The following CD177 variants were observed in gnomAD, a reference collection of about 807,000 sequenced individuals.
The protein encoded by CD177 is CD177 molecule, also known as CD177 antigen.
CD177 carries 41 observed loss-of-function variants against 38.1 expected under a neutral mutation model. The ratio of observed to expected loss-of-function variants is 1.07; its 90% confidence interval spans 0.84 to 1.39. The LOEUF (loss-of-function observed/expected upper bound fraction) is 1.39, where lower values mean the gene tolerates loss of function less well. Among genes scored for constraint, CD177 ranks in the 40% most tolerant of loss-of-function variants. The pLI is 0.00. For synonymous variants in CD177, 236 were observed against 216.7 expected, an observed-to-expected ratio of 1.09 and a Z score of -0.78; for missense variants, 619 against 523.8, an observed-to-expected ratio of 1.18 and a Z score of -1.77.
In CD177 at chr19:43,354,438, G is replaced by C. The variant is rs768232120; in HGVS notation, c.379+46G>C. The C allele has an allele frequency of 2.5e-6, 4 of 1,597,272 alleles. No homozygotes were observed. In the Admixed American group the frequency reaches 5.0e-5, roughly 20 times the overall value. On this transcript the variant is annotated intron_variant, in intron 3 of 8. Coordinates refer to ENST00000618265, the MANE Select transcript of CD177 (RefSeq NM_020406.4). ...AGGAGAGGGAGGGGCTGCTAGAAGG[G>C]GATCCGCTGAGCACAGAGGGGCTGT...
intron 5 of CD177, among the ~76,000 whole-genome samples, chr19:43,360,059 C>A (rs1969938214): frequency 1.3e-5 from 2 of 151,950 alleles, no homozygotes; most frequent in Admixed American, 1.3e-4. Context: ...GAGAGGACGT[C>A]CCTGCGGGTG....
At position 43,353,941 on chromosome 19, in the gene CD177, C is replaced by T. The variant is rs781221581; in HGVS notation, c.141C>T (p.Thr47=). 9.3e-6 allele frequency: 15 copies of T among 1,613,782 alleles called. No individual in the cohort carries two copies. Among genetic ancestry groups the T allele is most frequent in the Admixed American group, 1.7e-5 (1 of 59,992 alleles). Residue 47 remains threonine, a synonymous_variant, in exon 2 of 9, where the codon ACC becomes ACT. Transcript: ENST00000618265. The part of the protein sequence containing the change: ...DLPRQWTPKN[T]SCDSGLGCQD... ...CCCGGCAATGGACCCCTAAGAACAC[C>T]AGCTGCGACAGCGGCTTGGGGTGCC...
rs550883079 is a variant in CD177 at position 43,354,576 on chromosome 19, C to G, written c.379+184C>G. ...CGCTCCCTTTCCATCCCTCCCCACT[C>G]ACTCCCGATCCCTCCCACCGACCTG... On this transcript the variant is annotated intron_variant, in intron 3 of 8. Coordinates refer to ENST00000618265, the MANE Select transcript of CD177 (RefSeq NM_020406.4). 5 of 640,798 alleles carry G rather than the reference C, an allele frequency of 7.8e-6. No homozygotes were observed. The East Asian group carries it at 1.4e-4, about 18-fold the overall frequency. The allele number at this position is 640,798 out of a possible 1,614,324, so 39.7% of individuals were successfully genotyped here. A position where few individuals can be genotyped will look rare whatever the true frequency, so the allele number is the denominator to read the frequency against.
intron 3 of CD177, among the ~76,000 whole-genome samples, chr19:43,354,686 C>T (rs1969898159): frequency 6.6e-6 from 1 of 152,128 alleles, no homozygotes; most frequent in South Asian, 2.1e-4. Flanking sequence ...CTGGGTTATC[C>T]TGCATTCTTT....
intron 3 of CD177, among the ~76,000 whole-genome samples, chr19:43,355,093 C>A (rs1421461125): frequency 3.3e-4 from 39 of 118,398 alleles, no homozygotes; most frequent in East Asian, 1.5e-3. Flanking sequence ...AGACACCCCC[C>A]CTTTTCTTTT....
In CD177 at chr19:43,362,187, A is replaced by G. The variant is rs1479266404; in HGVS notation, c.1181A>G (p.Glu394Gly). 11 of 1,612,616 alleles carry G rather than the reference A, an allele frequency of 6.8e-6. No individual in the cohort carries two copies. The highest frequency in any genetic ancestry group is 1.1e-5 in the South Asian group (1 of 91,022). The change falls in exon 9 of 9, where the codon GAG becomes GGG. Residue 394 changes from glutamate (E) to glycine (G), a missense_variant. Transcript: ENST00000618265. ...CAAATCGGGATCTTCTCTGCGCGTG[A>G]GAAGCGTGATGTGCAGCCTCCTGCC... is the stretch of plus-strand genomic sequence containing the variant. Reference protein sequence around the residue: ...TRQIGIFSAREKRDVQPPASQ... With the variant: ...TRQIGIFSARGKRDVQPPASQ...
At chr19:43,354,144 G>C (rs1423350611) in intron 2 of CD177, 63 bp from the exon 3 acceptor site, 3 of 1,574,462 alleles carry the variant, frequency 1.9e-6, no homozygotes, top group African/African-American at 1.4e-5. Flanking sequence ...GTGTAGCAGC[G>C]TCTCCCTCCA....
Position 43,353,898 on chromosome 19 carries a change from G to C in CD177, c.98G>C (p.Trp33Ser), listed in dbSNP as rs1198558818. Reference protein sequence around the residue: ...LCQFGTVQHVWKVSDLPRQWT... With the variant: ...LCQFGTVQHVSKVSDLPRQWT... ...CAGTTTGGGACAGTTCAGCATGTGT[G>C]GAAGGTGTCCGACCTGCCCCGGCAA... is the stretch of plus-strand genomic sequence containing the variant. The change falls in exon 2 of 9, where the codon TGG (tryptophan) becomes TCG (serine). Residue 33 changes from tryptophan (W) to serine (S), a missense_variant. Coordinates refer to ENST00000618265, the MANE Select transcript of CD177 (RefSeq NM_020406.4). The C allele has an allele frequency of 1.9e-6, 3 of 1,613,784 alleles. No individual in the cohort carries two copies. Among genetic ancestry groups the C allele is most frequent in the Non-Finnish European group, 2.5e-6 (3 of 1,179,860 alleles).
Position 43,362,498 on chromosome 19 carries a change from G to A in CD177, c.*178G>A, listed in dbSNP as rs1969986836. 3.8e-6 allele frequency: 2 copies of A among 521,114 alleles called. No individual in the cohort carries two copies. Among genetic ancestry groups the A allele is most frequent in the South Asian group, 6.3e-5 (2 of 31,682 alleles). 32.3% of individuals were successfully genotyped at this position (521,114 alleles called of 1,614,324 possible). On this transcript the variant is annotated 3_prime_UTR_variant, in exon 9 of 9. Transcript: ENST00000618265. ...ACAGCAACACTGGGGAGAGCCTGGAGCATCCGGACTTGCCCTATGGGAGAG... is the reference window on the plus strand; with the variant it reads ...ACAGCAACACTGGGGAGAGCCTGGAACATCCGGACTTGCCCTATGGGAGAG...
downstream of CD177, among the ~76,000 whole-genome samples, chr19:43,364,155 A>C (rs1362625601): frequency 1.3e-5 from 2 of 152,196 alleles, no homozygotes; most frequent in African/African-American, 4.8e-5. Context: ...TCACAGTAAC[A>C]GTGTGTGATG....
At chr19:43,354,565 C>T in intron 3 of CD177, 173 bp downstream of exon 3, 3 of 676,908 alleles carry the variant, frequency 4.4e-6, no homozygotes, top group Non-Finnish European at 7.6e-6. Context: ...CCCTTTCCAT[C>T]CCTCCCCACT....
rs774741407 is a variant in CD177, at chr19:43,356,050, G to C, written c.561G>C (p.Leu187=). 1 of 665,318 alleles carries C rather than the reference G, an allele frequency of 1.5e-6. No homozygotes were observed. 41.2% of individuals were successfully genotyped at this position (665,318 alleles called of 1,614,324 possible). A position where few individuals can be genotyped will look rare whatever the true frequency, so the allele number is the denominator to read the frequency against. The part of the protein sequence containing the change: ...QGCMPQPVCN[L]LNGTQEIGPV... The stretch of plus-strand genomic sequence containing the variant: ...GCATGCCCCAGCCAGTTTGCAACCT[G>C]CTCAATGGGACACAGGAAATTGGGC... The change falls in exon 5 of 9, where the codon CTG becomes CTC. Residue 187 remains leucine, a synonymous_variant. Coordinates refer to ENST00000618265, the MANE Select transcript of CD177 (RefSeq NM_020406.4).
chr19:43,353,724 G>A lies in CD177; in HGVS notation c.10G>A (p.Val4Ile). 1 of 1,613,866 alleles carries A rather than the reference G, an allele frequency of 6.2e-7. No individual in the cohort carries two copies. Among genetic ancestry groups the A allele is most frequent in the Non-Finnish European group, 8.5e-7 (1 of 1,179,842 alleles). MSA[V>I]LLLALLGFIL... is the part of the protein sequence containing the mutation. The stretch of plus-strand genomic sequence containing the variant: ...CAGCCACAGACGGGTCATGAGCGCG[G>A]TATTACTGCTGGCCCTCCTGGGGTT... Residue 4 changes from valine to isoleucine, a missense_variant, in exon 1 of 9, where the codon GTA (valine) becomes ATA (isoleucine). Coordinates refer to ENST00000618265, the MANE Select transcript of CD177 (RefSeq NM_020406.4).
At position 43,362,139 on chromosome 19, in the gene CD177, G is replaced by T. The variant is rs1231437225; in HGVS notation, c.1133G>T (p.Ser378Ile). 6.2e-7 allele frequency: 1 copy of T among 1,613,800 alleles called. No homozygotes were observed. The highest frequency in any genetic ancestry group is 1.7e-5 in the Admixed American group (1 of 60,010). The change falls in exon 9 of 9, where the codon AGC (serine) becomes ATC (isoleucine). Residue 378 changes from serine (S) to isoleucine (I), a missense_variant. By Grantham distance (142) the Ser-to-Ile change is moderately radical. Coordinates refer to ENST00000618265, the MANE Select transcript of CD177 (RefSeq NM_020406.4). The stretch of plus-strand genomic sequence containing the variant: ...CAGGGCTGCGTGGCCCAACCTTCCA[G>T]CTTCTTGTTGAACCACACCAGACAA... ...SIQGCVAQPS[S>I]FLLNHTRQIG...
Position 43,361,378 on chromosome 19 carries a change from C to G in CD177, c.946+50C>G. The G allele has an allele frequency of 9.4e-6, 15 of 1,593,946 alleles. 1 individual carries two copies. The highest frequency in any genetic ancestry group is 1.3e-5 in the Non-Finnish European group (15 of 1,165,144). On this transcript the variant is annotated intron_variant, in intron 7 of 8. Coordinates refer to ENST00000618265, the MANE Select transcript of CD177 (RefSeq NM_020406.4). Reference sequence around the variant, plus strand: ...AATGAGGCCCAGACACACAGAGACTCTGGCCCAAGGTGGCCAGCTGCTCTG... The same window carrying G: ...AATGAGGCCCAGACACACAGAGACTGTGGCCCAAGGTGGCCAGCTGCTCTG...
At chr19:43,355,310 C>G (rs1360250569) in intron 3 of CD177, among the ~76,000 whole-genome samples, 3 of 151,018 alleles carry the variant, frequency 2.0e-5, no homozygotes, top group African/African-American at 7.3e-5. Context: ...GACAGGGTTT[C>G]ACTATGTTGC....
At position 43,362,602 on chromosome 19, in the gene CD177, G is replaced by C. The variant is rs1046785509; in HGVS notation, c.*282G>C. On this transcript the variant is annotated 3_prime_UTR_variant, in exon 9 of 9. Coordinates refer to ENST00000618265, the MANE Select transcript of CD177 (RefSeq NM_020406.4). The stretch of plus-strand genomic sequence containing the variant: ...TCCCAGTGCTGGGATTTCTCCATGT[G>C]AGGGGGCAGCAGGACACCCAGGGAT... 3.4e-6 allele frequency: 1 copy of C among 294,018 alleles called. No homozygotes were observed. Among genetic ancestry groups the C allele is most frequent in the Non-Finnish European group, 6.3e-6 (1 of 159,700 alleles). The allele number at this position is 294,018 out of a possible 1,614,324, so 18.2% of individuals were successfully genotyped here.
chr19:43,361,402 T>G, intron 7 of CD177, 43 bp from the exon 8 acceptor site: 1 of 1,596,226 alleles, frequency 6.3e-7, no homozygotes, highest in Non-Finnish European at 8.6e-7. Context: ...CCAGCTGCTC[T>G]GAGCACAAAG....
chr19:43,361,602 C>T (rs1258379497), intron 8 of CD177, 23 bp downstream of exon 8: 1 of 1,553,128 alleles, frequency 6.4e-7, no homozygotes, highest in Non-Finnish European at 8.7e-7. Flanking sequence ...AGCAGGGCCC[C>T]AAGGATGAAG....
Sources: gnomAD v4.1 joint callset for allele counts (sites outside exome capture counted in the v4.1 genomes callset) on GRCh38, gnomAD v4.1.1 for gene constraint, MANE v1.5 for transcripts, NCBI Gene and HGNC (gene_info 2026-07-23, HGNC 2026-07-21) for gene names.